CAMK1D: variants seen among roughly 807,000 people sequenced by gnomAD.
The protein encoded by CAMK1D is calcium/calmodulin-dependent protein kinase type 1D.
Under a neutral mutation model 47.7 loss-of-function variants are expected in CAMK1D, and 9 were observed. That is an observed-to-expected ratio of 0.19 (90% CI 0.11 to 0.33). CAMK1D has a LOEUF of 0.33. CAMK1D is among the 10% of genes least tolerant of loss of function. The probability of loss-of-function intolerance (pLI) is 1.00; values close to 1 mark genes in which losing one functional copy is unlikely to be tolerated. For synonymous variants in CAMK1D, 184 were observed against 184.9 expected (o/e 0.99, Z 0.04); for missense variants, 291 against 488.7 (o/e 0.60, Z 3.81).
chr10:12,469,016 A>G (rs1833673021), intron 1 of CAMK1D, among the ~76,000 whole-genome samples: 1 of 151,970 alleles, frequency 6.6e-6, no homozygotes, highest in South Asian at 2.1e-4. Context: ...AAGGTGGGGG[A>G]TTCACATGGA....
chr10:12,371,922 C>T (rs1385555556), intron 1 of CAMK1D, among the ~76,000 whole-genome samples: 2 of 152,084 alleles, frequency 1.3e-5, no homozygotes, highest in Non-Finnish European at 1.5e-5. Context: ...CAGCCTTGGC[C>T]TCCCAAAGTG....
chr10:12,375,045 C>T (rs1808040259), intron 1 of CAMK1D, among the ~76,000 whole-genome samples: 2 of 152,152 alleles, frequency 1.3e-5, no homozygotes, highest in South Asian at 4.1e-4. Flanking sequence ...GATTCTCCCA[C>T]CTCGGCCTTC....
intron 1 of CAMK1D, among the ~76,000 whole-genome samples, chr10:12,530,653 G>A (rs936641231): frequency 6.6e-6 from 1 of 152,194 alleles, no homozygotes. Flanking sequence ...CTCGGGGTCT[G>A]GGGAGGCAGC....
intron 1 of CAMK1D, among the ~76,000 whole-genome samples, chr10:12,368,580 G>C (rs1837915266): frequency 6.6e-6 from 1 of 152,042 alleles, no homozygotes; most frequent in African/African-American, 2.4e-5. Context: ...GGGGGTAACA[G>C]TACCTACCTT....
chr10:12,405,514 A>G (rs1245813746), intron 1 of CAMK1D, among the ~76,000 whole-genome samples: 1 of 152,212 alleles, frequency 6.6e-6, no homozygotes. Context: ...CAATGCCCAC[A>G]TTACTAAGCG....
intron 1 of CAMK1D, among the ~76,000 whole-genome samples, chr10:12,428,797 G>A (rs1285396856): frequency 1.3e-5 from 2 of 152,170 alleles, no homozygotes; most frequent in Admixed American, 6.5e-5. Flanking sequence ...AGGTGATTAG[G>A]TCATAAAGGG....
intron 3 of CAMK1D, among the ~76,000 whole-genome samples, chr10:12,747,652 A>C (rs1835748330): frequency 1.3e-5 from 2 of 152,164 alleles, no homozygotes; most frequent in Admixed American, 1.3e-4. Context: ...TGATATAAAC[A>C]ATTGACTTAC....
chr10:12,780,405 A>T (rs960478531), intron 5 of CAMK1D, among the ~76,000 whole-genome samples: 2 of 151,640 alleles, frequency 1.3e-5, no homozygotes, highest in Non-Finnish European at 2.9e-5. Flanking sequence ...TCTCCTGTAA[A>T]TTTTTTTTCT....
chr10:12,406,935 A>G (rs1301014770), intron 1 of CAMK1D, among the ~76,000 whole-genome samples: 1 of 151,978 alleles, frequency 6.6e-6, no homozygotes, highest in Non-Finnish European at 1.5e-5. Flanking sequence ...ACCTAGGGTG[A>G]CGTCACTGCT....
chr10:12,738,860 A>T lies in CAMK1D; in HGVS notation c.300-22088A>T, dbSNP rs547151226. Among the ~76,000 whole-genome samples, 4 of 152,028 alleles carry T rather than the reference A, an allele frequency of 2.6e-5. No individual in the cohort carries two copies. In the South Asian group the frequency reaches 6.2e-4, roughly 24 times the overall value. On this transcript the variant is annotated intron_variant, in intron 3 of 10. Coordinates refer to ENST00000619168, the MANE Select transcript of CAMK1D (RefSeq NM_153498.4). Reference sequence around the variant, plus strand: ...ATAAATAAATAAATAAAAATAAATTATTCTATAACCACACGTAAGATTATG... The same window carrying T: ...ATAAATAAATAAATAAAAATAAATTTTTCTATAACCACACGTAAGATTATG...
intron 3 of CAMK1D, among the ~76,000 whole-genome samples, chr10:12,741,170 C>T (rs1398772086): frequency 1.3e-5 from 2 of 152,192 alleles, no homozygotes; most frequent in Non-Finnish European, 2.9e-5. Context: ...ATGAAGGAAA[C>T]GCATGGATTC....
At chr10:12,810,368 G>A (rs1032478458) in intron 6 of CAMK1D, among the ~76,000 whole-genome samples, 88 of 147,920 alleles carry the variant, frequency 5.9e-4, no homozygotes, top group African/African-American at 2.0e-3. Flanking sequence ...TCCGCCTCCC[G>A]GGTTCAAGCA....
chr10:12,528,668 G>A, intron 1 of CAMK1D, among the ~76,000 whole-genome samples: 1 of 151,458 alleles, frequency 6.6e-6, no homozygotes, highest in East Asian at 1.9e-4. Flanking sequence ...AAGGTAAAAT[G>A]ATTTGTGAGT....
chr10:12,613,084 C>T (rs1043830740), intron 2 of CAMK1D, among the ~76,000 whole-genome samples: 16 of 152,144 alleles, frequency 1.1e-4, no homozygotes, highest in African/African-American at 3.6e-4. Context: ...TTCACTTTTC[C>T]CTACAGTTGA....
chr10:12,506,891 T>C (rs1834894067), intron 1 of CAMK1D, among the ~76,000 whole-genome samples: 1 of 152,284 alleles, frequency 6.6e-6, no homozygotes, highest in African/African-American at 2.4e-5. Context: ...TCGGGTCACA[T>C]CATGTCCTTA....
intron 8 of CAMK1D, among the ~76,000 whole-genome samples, chr10:12,818,603 G>A (rs1308455872): frequency 3.9e-5 from 6 of 151,974 alleles, no homozygotes; most frequent in South Asian, 2.1e-4. Context: ...TCCAGGAGGC[G>A]GAGCTTGCAG....
chr10:12,444,251 A>G (rs1429009731), intron 1 of CAMK1D, among the ~76,000 whole-genome samples: 1 of 152,186 alleles, frequency 6.6e-6, no homozygotes, highest in African/African-American at 2.4e-5. Context: ...AATGCAGCCC[A>G]GTAGGTCTCA....
intron 2 of CAMK1D, among the ~76,000 whole-genome samples, chr10:12,595,627 C>T (rs1838126629): frequency 6.6e-6 from 1 of 151,406 alleles, no homozygotes; most frequent in African/African-American, 2.5e-5. Context: ...CATGCGTCTT[C>T]TGTCCATAGC....
chr10:12,454,030 T>G (rs1472569909), intron 1 of CAMK1D, among the ~76,000 whole-genome samples: 2 of 152,236 alleles, frequency 1.3e-5, no homozygotes, highest in African/African-American at 4.8e-5. Context: ...TTCCCCTGGT[T>G]GGGTCTTGCT....
Sources: gnomAD v4.1 joint callset for allele counts (sites outside exome capture counted in the v4.1 genomes callset) on GRCh38, gnomAD v4.1.1 for gene constraint, MANE v1.5 for transcripts, NCBI Gene and HGNC (gene_info 2026-07-23, HGNC 2026-07-21) for gene names.